The following AGK variants were observed in gnomAD, a reference collection of about 807,000 sequenced individuals.
The protein encoded by AGK is acylglycerol kinase, also known as acylglycerol kinase, mitochondrial.
AGK carries 52 observed loss-of-function variants against 66.4 expected under a neutral mutation model. The observed-to-expected ratio is 0.78, with a 90% CI of 0.63 to 0.99. The LOEUF (loss-of-function observed/expected upper bound fraction) is 0.99. AGK is among the 50% of genes least tolerant of loss of function. The pLI, the probability that AGK is intolerant of heterozygous loss-of-function variation, is 0.00. For synonymous variants in AGK, 182 were observed against 181.1 expected, an observed-to-expected ratio of 1.00 and a Z score of -0.04; for missense variants, 451 against 506.6, an observed-to-expected ratio of 0.89 and a Z score of 1.05.
In AGK at chr7:141,614,178, G is replaced by T. The variant is rs1796656974; in HGVS notation, c.423G>T (p.Glu141Asp). ...VVTGVLRRTDEATFSKIPIGF... is the reference protein window; with the variant it reads ...VVTGVLRRTDDATFSKIPIGF... ...CTGGTGTTCTTCGACGAACAGATGA[G>T]GTGAGCATTAAAGAGTAATTGCATT... The change falls in exon 7 of 16, where the codon GAG becomes GAT. Residue 141 changes from glutamate to aspartate, a missense_variant and splice_region_variant. Glu to Asp is a conservative substitution (Grantham distance 45, BLOSUM62 2). Coordinates refer to ENST00000649286, the MANE Select transcript of AGK (RefSeq NM_018238.4). The T allele has an allele frequency of 6.5e-7, 1 of 1,529,988 alleles. No individual in the cohort carries two copies. The highest frequency in any genetic ancestry group is 8.9e-7 in the Non-Finnish European group (1 of 1,128,300). 94.8% of individuals were successfully genotyped at this position (1,529,988 alleles called of 1,614,324 possible).
At chr7:141,641,752 G>A (rs1562983859) in intron 12 of AGK, 59 bp from the exon 13 acceptor site, 21 of 1,403,868 alleles carry the variant, frequency 1.5e-5, no homozygotes, top group Middle Eastern at 4.5e-4. Flanking sequence ...CTAGCCGTCC[G>A]TGGTGGGTGG....
rs117447743 is a variant in AGK at position 141,617,106 on chromosome 7, C to G, written c.518+1541C>G. ...GTTAATTGCTCACATTTTTGCTTTT[C>G]CAAGATGAATCCTGTCTGATTCAGG... On this transcript the variant is annotated intron_variant, in intron 8 of 15. Transcript: ENST00000649286. Among the ~76,000 whole-genome samples, 732 of 152,152 alleles carry G rather than the reference C, an allele frequency of 4.8e-3. 6 individuals are homozygous for G. Among genetic ancestry groups the G allele is most frequent in the Non-Finnish European group, 5.2e-3 (354 of 67,986 alleles).
intron 1 of AGK, among the ~76,000 whole-genome samples, chr7:141,554,356 A>T (rs1795163169): frequency 6.6e-6 from 1 of 151,806 alleles, no homozygotes; most frequent in African/African-American, 2.4e-5. Context: ...AAAAAAAAAA[A>T]ATTGTTTTTG....
intron 2 of AGK, among the ~76,000 whole-genome samples, chr7:141,576,883 CA>C (rs1795752173): frequency 6.6e-6 from 1 of 151,522 alleles, no homozygotes; most frequent in South Asian, 2.1e-4. Flanking sequence ...ACTAAAAATA[CA>C]AAAAAATTAG....
chr7:141,589,556 A>T (rs1426292671), intron 2 of AGK, among the ~76,000 whole-genome samples: 1 of 151,956 alleles, frequency 6.6e-6, no homozygotes, highest in Non-Finnish European at 1.5e-5. Context: ...AAACAAAGTT[A>T]AGTATGATTT....
At chr7:141,602,173 T>TTTTGTGTGTGTGTG (rs1554400561) in intron 5 of AGK, among the ~76,000 whole-genome samples, 1 of 125,314 alleles carries the variant, frequency 8.0e-6, no homozygotes, top group Non-Finnish European at 1.7e-5. Flanking sequence ...GGAGATTTTC[T>TTTTGTGTGTGTGTG]TGTGTGTGTG....
chr7:141,645,088 A>C (rs958235495), intron 13 of AGK, among the ~76,000 whole-genome samples: 4 of 152,068 alleles, frequency 2.6e-5, no homozygotes, highest in African/African-American at 9.6e-5. Flanking sequence ...TAAATTCCAC[A>C]TAAAAATGTT....
intron 8 of AGK, among the ~76,000 whole-genome samples, chr7:141,617,061 A>G (rs1007391035): frequency 1.3e-5 from 2 of 152,004 alleles, no homozygotes; most frequent in African/African-American, 4.8e-5. Flanking sequence ...AGAATTTCTG[A>G]GGGGCAGTAG....
intron 2 of AGK, among the ~76,000 whole-genome samples, chr7:141,568,272 T>C (rs1795510639): frequency 6.6e-6 from 1 of 152,184 alleles, no homozygotes; most frequent in Non-Finnish European, 1.5e-5. Context: ...CTGCCATACA[T>C]GGTTAAAAGC....
intron 2 of AGK, among the ~76,000 whole-genome samples, chr7:141,574,128 T>A (rs966154914): frequency 6.6e-6 from 1 of 152,184 alleles, no homozygotes; most frequent in Non-Finnish European, 1.5e-5. Flanking sequence ...TGGCATAAAG[T>A]ATTTAAATTG....
intron 2 of AGK, among the ~76,000 whole-genome samples, chr7:141,590,031 A>C (rs1290190830): frequency 6.6e-6 from 1 of 152,232 alleles, no homozygotes; most frequent in African/African-American, 2.4e-5. Context: ...AAATTAATCA[A>C]AATTAATAAA....
At chr7:141,569,474 C>T (rs1486829651) in intron 2 of AGK, among the ~76,000 whole-genome samples, 1 of 152,086 alleles carries the variant, frequency 6.6e-6, no homozygotes, top group Non-Finnish European at 1.5e-5. Flanking sequence ...GTGGAGGCTA[C>T]AGTGAGCTGA....
intron 8 of AGK, among the ~76,000 whole-genome samples, chr7:141,616,811 T>G (rs2116965973): frequency 1.3e-5 from 2 of 149,890 alleles, no homozygotes; most frequent in Non-Finnish European, 3.0e-5. Flanking sequence ...CAGGCTGGAG[T>G]GCAGTGGCGC....
At chr7:141,591,431 C>T (rs1796116093) in intron 2 of AGK, among the ~76,000 whole-genome samples, 1 of 152,128 alleles carries the variant, frequency 6.6e-6, no homozygotes, top group East Asian at 1.9e-4. Flanking sequence ...AGCGTCCATA[C>T]TTCCCTGTGG....
At chr7:141,576,466 G>A (rs1446175716) in intron 2 of AGK, among the ~76,000 whole-genome samples, 1 of 151,472 alleles carries the variant, frequency 6.6e-6, no homozygotes, top group Non-Finnish European at 1.5e-5. Context: ...AGGAAGGGCA[G>A]TTACAGAACA....
intron 4 of AGK, chr7:141,597,487 A>C (rs1796251713): frequency 6.6e-6 from 1 of 152,184 alleles, no homozygotes; most frequent in Non-Finnish European, 1.5e-5. Context: ...ATTTTGAAAA[A>C]ATAGTCAGAA....
At chr7:141,601,382 G>T (rs774828814) in intron 5 of AGK, 102 bp downstream of exon 5, 7 of 851,844 alleles carry the variant, frequency 8.2e-6, no homozygotes, top group Admixed American at 2.4e-5. Context: ...CAAGAGCAAA[G>T]AAATTAATGT....
intron 10 of AGK, 44 bp downstream of exon 10, chr7:141,634,024 C>A (rs751904074): frequency 6.6e-7 from 1 of 1,504,602 alleles, no homozygotes; most frequent in Admixed American, 1.7e-5. Context: ...TTAAAAAAAT[C>A]TTATTCTGTC....
chr7:141,602,173 TTGTGTGTGTG>T (rs71172608), intron 5 of AGK, among the ~76,000 whole-genome samples: 9 of 125,376 alleles, frequency 7.2e-5, no homozygotes, highest in South Asian at 2.6e-4. Flanking sequence ...GGAGATTTTC[TTGTGTGTGTG>T]TGTGTGTGTG....
Sources: allele counts gnomAD v4.1 joint callset (sites outside exome capture counted in the v4.1 genomes callset), GRCh38; gene constraint gnomAD v4.1.1; transcripts MANE v1.5; gene names NCBI Gene and HGNC (gene_info 2026-07-23, HGNC 2026-07-21).